The following IQGAP3 variants were observed in gnomAD, a reference collection of about 807,000 sequenced individuals.
The protein encoded by IQGAP3 is ras GTPase-activating-like protein IQGAP3.
In IQGAP3, 165 loss-of-function variants were observed where a neutral mutation model predicts 208.2. The ratio of observed to expected loss-of-function variants is 0.79; its 90% CI spans 0.70 to 0.90. The LOEUF (loss-of-function observed/expected upper bound fraction) is 0.90. Ranked by LOEUF, IQGAP3 falls within the 40% of genes least tolerant of loss-of-function variation. The pLI, the probability that IQGAP3 is intolerant of heterozygous loss-of-function variation, is 0.00. For missense variants in IQGAP3, 1,811 were observed against 2,043.1 expected (o/e 0.89, Z 2.19); for synonymous variants, 703 against 803.6 (o/e 0.87, Z 2.12).
chr1:156,528,714 C>A, intron 35 of IQGAP3, 104 bp from the exon 36 acceptor site: 1 of 1,094,134 alleles, frequency 9.1e-7, no homozygotes, highest in Non-Finnish European at 1.3e-6. Context: ...AGGAAGACTT[C>A]TCACTGATGG....
chr1:156,569,344 A>G (rs1200957403), intron 2 of IQGAP3, 32 bp downstream of exon 2: 1 of 1,441,722 alleles, frequency 6.9e-7, no homozygotes, highest in Admixed American at 1.7e-5. Flanking sequence ...AAGGGAGAGC[A>G]GAAAGAGTCC....
At chr1:156,564,108 A>G (rs902539945) in intron 5 of IQGAP3, among the ~76,000 whole-genome samples, 1 of 152,174 alleles carries the variant, frequency 6.6e-6, no homozygotes, top group Non-Finnish European at 1.5e-5. Flanking sequence ...GAGAGAGGAC[A>G]GGAAGGGCGC....
chr1:156,539,551 G>A lies in IQGAP3; in HGVS notation c.2893-14C>T. Reference sequence around the variant, plus strand: ...GATGGGCTGAGTCTGCAAGCAAGAGGGGAGACAGGAATGGCTGACCATGCA... The same window carrying A: ...GATGGGCTGAGTCTGCAAGCAAGAGAGGAGACAGGAATGGCTGACCATGCA... On this transcript the variant is annotated splice_polypyrimidine_tract_variant and intron_variant, in intron 24 of 37. Coordinates refer to ENST00000361170, the MANE Select transcript of IQGAP3 (RefSeq NM_178229.5). The A allele has an allele frequency of 6.2e-7, 1 of 1,613,914 alleles. No individual in the cohort carries two copies. The highest frequency in any genetic ancestry group is 1.1e-5 in the South Asian group (1 of 91,050).
intron 19 of IQGAP3, among the ~76,000 whole-genome samples, chr1:156,547,255 G>T (rs1675289509): frequency 6.6e-6 from 1 of 152,134 alleles, no homozygotes; most frequent in African/African-American, 2.4e-5. Context: ...GGAGAGGAAA[G>T]GTAGAAGGCT....
rs763942536 is a variant in IQGAP3 at position 156,548,130 on chromosome 1, C to T, written c.2247G>A (p.Lys749=). ...TCAGAAAGTGGGAATGCTCAGCAAA[C>T]TTCTGCCGAACTAGGAAGCCACGGA... ...ARLRGFLVRQ[K]FAEHSHFLRT... Residue 749 remains lysine, a synonymous_variant, in exon 19 of 38, where the codon AAG becomes AAA. Coordinates refer to ENST00000361170, the MANE Select transcript of IQGAP3 (RefSeq NM_178229.5). The T allele has an allele frequency of 3.1e-6, 5 of 1,613,970 alleles. No homozygotes were observed. The highest frequency in any genetic ancestry group is 1.1e-5 in the South Asian group (1 of 91,034).
intron 25 of IQGAP3, 117 bp downstream of exon 25, chr1:156,539,257 G>A (rs1674861098): frequency 2.9e-6 from 3 of 1,016,980 alleles, no homozygotes; most frequent in Non-Finnish European, 4.4e-6. Context: ...AGAGAAAAGA[G>A]GTCTTCTGAT....
chr1:156,535,177 T>A lies in IQGAP3; in HGVS notation c.3493A>T (p.Ser1165Cys). 6.2e-7 allele frequency: 1 copy of A among 1,613,562 alleles called. No individual in the cohort carries two copies. Among genetic ancestry groups the A allele is most frequent in the Non-Finnish European group, 8.5e-7 (1 of 1,179,590 alleles). Reference sequence around the variant, plus strand: ...ACAACACTTGCCTTATAGACCTCGCTGTCTGTGGCGTCAGGGAATTTCTCT... The same window carrying A: ...ACAACACTTGCCTTATAGACCTCGCAGTCTGTGGCGTCAGGGAATTTCTCT... ...LAEKFPDATDSEVYKVVGNLL... is the reference protein window; with the variant it reads ...LAEKFPDATDCEVYKVVGNLL... The change falls in exon 28 of 38, where the codon AGC (serine) becomes TGC (cysteine). Residue 1165 changes from serine to cysteine, a missense_variant. Ser to Cys is a moderately radical substitution (Grantham distance 112). Transcript: ENST00000361170.
Position 156,533,830 on chromosome 1 carries a change from G to A in IQGAP3, c.3919C>T (p.Pro1307Ser), listed in dbSNP as rs1674544047. 2.5e-6 allele frequency: 4 copies of A among 1,613,000 alleles called. No individual in the cohort carries two copies. The highest frequency in any genetic ancestry group is 2.5e-6 in the Non-Finnish European group (3 of 1,179,516). ...AGATCCTCCAGGAGCTCATGCAGGG[G>A]GTCTTGGTGATCAGGGGCAATGCAG... ...QDCIAPDHQD[P>S]LHELLEDLGE... Residue 1307 changes from proline to serine, a missense_variant, in exon 31 of 38, where the codon CCC (proline) becomes TCC (serine). Physicochemically the swap from Pro to Ser is moderately conservative, Grantham distance 74 (BLOSUM62 -1). Coordinates refer to ENST00000361170, the MANE Select transcript of IQGAP3 (RefSeq NM_178229.5).
At chr1:156,564,131 C>A (rs1330620063) in intron 5 of IQGAP3, among the ~76,000 whole-genome samples, 4 of 152,072 alleles carry the variant, frequency 2.6e-5, no homozygotes, top group Non-Finnish European at 5.9e-5. Flanking sequence ...CAAGCAGATA[C>A]CTGCTGAGCT....
At chr1:156,543,817 C>G (rs1014666930) in intron 22 of IQGAP3, among the ~76,000 whole-genome samples, 164 bp downstream of exon 22, 1 of 152,170 alleles carries the variant, frequency 6.6e-6, no homozygotes, top group Non-Finnish European at 1.5e-5. Context: ...TTGGGATGAG[C>G]AGGGGGGCTT....
At chr1:156,569,779 A>G (rs1316452094) in intron 1 of IQGAP3, among the ~76,000 whole-genome samples, 3 of 152,088 alleles carry the variant, frequency 2.0e-5, no homozygotes, top group South Asian at 2.1e-4. Flanking sequence ...TTGGCCTCCC[A>G]AAGTGCTGGC....
At chr1:156,544,365 G>T (rs527808559) in intron 20 of IQGAP3, 24 bp downstream of exon 20, 2 of 1,593,580 alleles carry the variant, frequency 1.3e-6, no homozygotes, top group South Asian at 2.2e-5. Flanking sequence ...AGAGAAAGGA[G>T]CCTGCCAAAA....
chr1:156,539,664 C>T, intron 24 of IQGAP3, 127 bp from the exon 25 acceptor site: 1 of 1,205,750 alleles, frequency 8.3e-7, no homozygotes, highest in Non-Finnish European at 1.2e-6. Context: ...TCTCCAGGTG[C>T]TAGTAACATT....
intron 33 of IQGAP3, among the ~76,000 whole-genome samples, chr1:156,530,781 C>G (rs1211056261): frequency 6.6e-6 from 1 of 152,224 alleles, no homozygotes; most frequent in Admixed American, 6.5e-5. Context: ...CGGGCCCAAC[C>G]TGCCCCTGGC....
Position 156,539,480 on chromosome 1 carries a change from T to G in IQGAP3, c.2950A>C (p.Lys984Gln). The change falls in exon 25 of 38, where the codon AAG becomes CAG. Residue 984 changes from lysine (K) to glutamine (Q), a missense_variant. Lys to Gln is a moderately conservative substitution (Grantham distance 53, BLOSUM62 1). Coordinates refer to ENST00000361170, the MANE Select transcript of IQGAP3 (RefSeq NM_178229.5). The stretch of plus-strand genomic sequence containing the variant: ...CTGAAAATCACTGCCTCCATGAACT[T>G]GGTGGTTTTGTTCTGTGGCATCTGA... ...IFQMPQNKTT[K>Q]FMEAVIFSLY... 1 of 1,614,116 alleles carries G rather than the reference T, an allele frequency of 6.2e-7. No homozygotes were observed. Among genetic ancestry groups the G allele is most frequent in the Non-Finnish European group, 8.5e-7 (1 of 1,180,018 alleles).
rs1676538084 is a variant in IQGAP3, at chr1:156,569,359, T to G, written c.125+17A>C. ...AAGGGAGAGCAGAAAGAGTCCATCT[T>G]CCTGGACTCCGCTCACCGCTTGGCC... On this transcript the variant is annotated intron_variant, in intron 2 of 37. Transcript: ENST00000361170. 1 of 1,566,562 alleles carries G rather than the reference T, an allele frequency of 6.4e-7. No individual in the cohort carries two copies. Among genetic ancestry groups the G allele is most frequent in the Non-Finnish European group, 8.8e-7 (1 of 1,139,052 alleles).
At chr1:156,567,002 G>C (rs1444794100) in intron 2 of IQGAP3, among the ~76,000 whole-genome samples, 1 of 151,830 alleles carries the variant, frequency 6.6e-6, no homozygotes, top group Non-Finnish European at 1.5e-5. Context: ...CGAGTAGTTG[G>C]GATTACAGGC....
intron 27 of IQGAP3, among the ~76,000 whole-genome samples, chr1:156,535,924 G>T (rs1344889432): frequency 1.3e-5 from 2 of 152,212 alleles, no homozygotes; most frequent in Non-Finnish European, 2.9e-5. Context: ...TTATGTCTGC[G>T]AGAGTAACGT....
intron 32 of IQGAP3, among the ~76,000 whole-genome samples, chr1:156,532,385 TCAA>T (rs1674452789): frequency 1.5e-5 from 1 of 66,220 alleles, no homozygotes. Flanking sequence ...AGACTCCATC[TCAA>T]AAAAAAAAAA....
Sources: gnomAD v4.1 joint callset for allele counts (sites outside exome capture counted in the v4.1 genomes callset) on GRCh38, gnomAD v4.1.1 for gene constraint, MANE v1.5 for transcripts, NCBI Gene and HGNC (gene_info 2026-07-23, HGNC 2026-07-21) for gene names.